HTR1F: variants seen among roughly 807,000 people sequenced by gnomAD.
HTR1F encodes the protein 5-hydroxytryptamine (serotonin) receptor 1F, G protein-coupled.
A neutral mutation model predicts 24.0 loss-of-function variants in HTR1F; 17 were observed. That is an observed-to-expected ratio of 0.71 (90% CI 0.48 to 1.06). The LOEUF (loss-of-function observed/expected upper bound fraction) is 1.06. Among genes scored for constraint, HTR1F ranks in the 50% least tolerant of loss-of-function variants. HTR1F has a pLI of 0.00. For missense variants in HTR1F, 391 were observed against 427.8 expected (o/e 0.91, Z 0.76); for synonymous variants, 186 against 156.8 (o/e 1.19, Z -1.39).
At chr3:87,952,227 A>G (rs375649653) in intron 2 of HTR1F, among the ~76,000 whole-genome samples, 24 of 152,198 alleles carry the variant, frequency 1.6e-4, no homozygotes, top group African/African-American at 5.8e-4. Context: ...CTAACTTGCA[A>G]CAACAAAATG....
chr3:87,895,571 G>T (rs1338637947), intron 2 of HTR1F, among the ~76,000 whole-genome samples: 1 of 152,006 alleles, frequency 6.6e-6, no homozygotes, highest in African/African-American at 2.4e-5. Context: ...ATTTCCTCAT[G>T]ATACAAAATA....
intron 2 of HTR1F, among the ~76,000 whole-genome samples, chr3:87,951,049 T>C (rs771750311): frequency 6.6e-6 from 1 of 152,140 alleles, no homozygotes; most frequent in Non-Finnish European, 1.5e-5. Context: ...TTAGTTCTGC[T>C]TTCAGAAGCC....
intron 2 of HTR1F, among the ~76,000 whole-genome samples, chr3:87,903,570 A>G (rs1227121617): frequency 2.0e-5 from 3 of 151,064 alleles, no homozygotes; most frequent in South Asian, 4.2e-4. Context: ...CAAAACCACA[A>G]TGAGATACCA....
chr3:87,937,784 C>T (rs537334586), intron 2 of HTR1F, among the ~76,000 whole-genome samples: 1 of 152,014 alleles, frequency 6.6e-6, no homozygotes, highest in Non-Finnish European at 1.5e-5. Flanking sequence ...ATCAGCTGGG[C>T]ATGGTGGTGG....
intron 2 of HTR1F, among the ~76,000 whole-genome samples, chr3:87,860,610 T>C (rs1273601991): frequency 2.0e-5 from 3 of 152,216 alleles, no homozygotes; most frequent in Admixed American, 1.3e-4. Flanking sequence ...TCGTCATCAG[T>C]GAAGTAATAC....
intron 2 of HTR1F, among the ~76,000 whole-genome samples, chr3:87,932,084 A>G (rs781106652): frequency 6.6e-6 from 1 of 152,062 alleles, no homozygotes; most frequent in Admixed American, 6.6e-5. Context: ...TTTTGTTGCC[A>G]TTGCTTTTGG....
intron 2 of HTR1F, among the ~76,000 whole-genome samples, chr3:87,853,907 GT>G (rs1553666543): frequency 6.6e-6 from 1 of 151,918 alleles, no homozygotes; most frequent in Non-Finnish European, 1.5e-5. Flanking sequence ...TTTTAATGGG[GT>G]TATTTATTTT....
chr3:87,942,448 A>T (rs1199042053), intron 2 of HTR1F, among the ~76,000 whole-genome samples: 1 of 152,134 alleles, frequency 6.6e-6, no homozygotes, highest in Non-Finnish European at 1.5e-5. Context: ...GGGTGACGGC[A>T]TCGGCTGGCG....
At chr3:87,937,951 GA>G (rs1704468302) in intron 2 of HTR1F, among the ~76,000 whole-genome samples, 1 of 149,952 alleles carries the variant, frequency 6.7e-6, no homozygotes, top group Non-Finnish European at 1.5e-5. Context: ...AAAGAAGAAA[GA>G]AAGAAAGAAA....
chr3:87,817,526 C>G (rs1447624115), intron 1 of HTR1F, among the ~76,000 whole-genome samples: 1 of 152,166 alleles, frequency 6.6e-6, no homozygotes, highest in African/African-American at 2.4e-5. Flanking sequence ...TGCATTTTAG[C>G]TAGCAAAACA....
intron 2 of HTR1F, among the ~76,000 whole-genome samples, chr3:87,827,267 G>C (rs956598332): frequency 2.0e-5 from 3 of 151,768 alleles, no homozygotes; most frequent in Non-Finnish European, 4.4e-5. Context: ...ACCCCCAACA[G>C]GCCCTGGTAT....
At chr3:87,862,679 C>T (rs138236927) in intron 2 of HTR1F, among the ~76,000 whole-genome samples, 134 of 152,210 alleles carry the variant, frequency 8.8e-4, no homozygotes, top group African/African-American at 3.0e-3. Flanking sequence ...TCCTGACTTC[C>T]GCTGTCTCTA....
At chr3:87,893,971 AT>A (rs922022379) in intron 2 of HTR1F, among the ~76,000 whole-genome samples, 4 of 150,270 alleles carry the variant, frequency 2.7e-5, no homozygotes, top group Admixed American at 6.6e-5. Flanking sequence ...TTGTTTACTC[AT>A]TTTTTTTCCT....
chr3:87,871,557 G>A (rs1483143240), intron 2 of HTR1F, among the ~76,000 whole-genome samples: 2 of 152,002 alleles, frequency 1.3e-5, no homozygotes, highest in African/African-American at 4.8e-5. Context: ...AATTCAGTAA[G>A]CTTAATGGTT....
At chr3:87,853,767 G>A (rs1307231276) in intron 2 of HTR1F, among the ~76,000 whole-genome samples, 2 of 152,094 alleles carry the variant, frequency 1.3e-5, no homozygotes, top group Non-Finnish European at 2.9e-5. Context: ...TGACTGGTGT[G>A]AGATGGTATC....
chr3:87,987,065 C>T (rs1479296153), intron 2 of HTR1F, among the ~76,000 whole-genome samples: 1 of 151,918 alleles, frequency 6.6e-6, no homozygotes, highest in African/African-American at 2.4e-5. Flanking sequence ...AAGATCATGC[C>T]ACTGTACTCC....
intron 2 of HTR1F, among the ~76,000 whole-genome samples, chr3:87,926,940 C>A (rs1323540955): frequency 6.6e-6 from 1 of 152,032 alleles, no homozygotes. Flanking sequence ...TAAAATGGCC[C>A]AGAATTAAGT....
chr3:87,867,815 G>A (rs1370418430), intron 2 of HTR1F, among the ~76,000 whole-genome samples: 3 of 152,024 alleles, frequency 2.0e-5, no homozygotes, highest in Non-Finnish European at 2.9e-5. Flanking sequence ...AAATAGTAGG[G>A]GTCTTGATCT....
chr3:87,962,667 T>C (rs542352070), intron 2 of HTR1F, among the ~76,000 whole-genome samples: 2 of 152,050 alleles, frequency 1.3e-5, no homozygotes, highest in African/African-American at 2.4e-5. Flanking sequence ...ATTATACAAA[T>C]GGTATTGATT....
Sources: allele counts gnomAD v4.1 joint callset (sites outside exome capture counted in the v4.1 genomes callset), GRCh38; gene constraint gnomAD v4.1.1; transcripts MANE v1.5; gene names NCBI Gene and HGNC (gene_info 2026-07-23, HGNC 2026-07-21).